ERP27: variants seen among roughly 807,000 people sequenced by gnomAD.
ERP27 encodes the protein endoplasmic reticulum resident protein 27.
In ERP27, 23 loss-of-function variants were observed where a neutral mutation model predicts 27.7. The observed-to-expected ratio is 0.83, with a 90% CI of 0.60 to 1.18. The LOEUF (loss-of-function observed/expected upper bound fraction) is 1.18, where lower values mean the gene tolerates loss of function less well. Among genes scored for constraint, ERP27 ranks in the 50% most tolerant of loss-of-function variants. ERP27 has a pLI of 0.00. For missense variants in ERP27, 363 were observed against 327.9 expected, an observed-to-expected ratio of 1.11 and a Z score of -0.83; for synonymous variants, 159 against 118.3, an observed-to-expected ratio of 1.34 and a Z score of -2.23.
intron 3 of ERP27, among the ~76,000 whole-genome samples, chr12:14,931,024 G>T (rs1215148749): frequency 2.6e-5 from 4 of 152,128 alleles, no homozygotes; most frequent in African/African-American, 9.7e-5. Flanking sequence ...TATCTTCAGG[G>T]TCAAGTGCTT....
chr12:14,920,262 G>A (rs1401926237), intron 4 of ERP27, among the ~76,000 whole-genome samples: 1 of 152,182 alleles, frequency 6.6e-6, no homozygotes, highest in African/African-American at 2.4e-5. Flanking sequence ...AACACCAGAG[G>A]AAGACACACC....
In ERP27 at chr12:14,914,851, C is replaced by T. The variant is rs1391840042; in HGVS notation, c.775-69G>A. 15 of 1,259,758 alleles carry T rather than the reference C, an allele frequency of 1.2e-5. No homozygotes were observed. The East Asian group carries it at 2.8e-4, about 24-fold the overall frequency. 78.0% of individuals were successfully genotyped at this position (1,259,758 alleles called of 1,614,324 possible). On this transcript the variant is annotated intron_variant, in intron 6 of 6. Transcript: ENST00000266397. ...CTGTTTACTCCTGGAAGTCCTAAAT[C>T]CTTCTTTAATTTTTATCTCATGAAC...
chr12:14,915,870 A>C, intron 5 of ERP27, 184 bp from the exon 6 acceptor site: 2 of 614,044 alleles, frequency 3.3e-6, no homozygotes, highest in Non-Finnish European at 5.6e-6. Context: ...CTTTTGTGGG[A>C]ACGTGGATGG....
chr12:14,929,096 G>T, intron 3 of ERP27: 2 of 1,517,452 alleles, frequency 1.3e-6, no homozygotes, highest in Non-Finnish European at 1.8e-6. Context: ...CCTAGGTCTG[G>T]TGCCTGCACC....
intron 3 of ERP27, 142 bp downstream of exon 3, chr12:14,934,714 T>C: frequency 9.7e-7 from 1 of 1,026,114 alleles, no homozygotes; most frequent in South Asian, 1.7e-5. Flanking sequence ...TTGAATTGAG[T>C]CATCATCCTT....
In ERP27 at chr12:14,938,522, C is replaced by A; in HGVS notation, c.-14G>T. 3 of 1,597,960 alleles carry A rather than the reference C, an allele frequency of 1.9e-6. No individual in the cohort carries two copies. Among genetic ancestry groups the A allele is most frequent in the Non-Finnish European group, 2.6e-6 (3 of 1,171,934 alleles). On this transcript the variant is annotated 5_prime_UTR_variant, in exon 1 of 7. Coordinates refer to ENST00000266397, the MANE Select transcript of ERP27 (RefSeq NM_152321.4). ...GGCAGCTTCCATTGTCCCTCTCCTG[C>A]TCCTGCTCCAACCCTGGACTTTGTG... is the stretch of plus-strand genomic sequence containing the variant.
chr12:14,917,311 G>A lies in ERP27; in HGVS notation c.451-8C>T. On this transcript the variant is annotated splice_region_variant and splice_polypyrimidine_tract_variant and intron_variant, in intron 4 of 6. Coordinates refer to ENST00000266397, the MANE Select transcript of ERP27 (RefSeq NM_152321.4). ...GAATAACCCAATCACAGTCTGGCAAGTCGAAATGTGTTACAGTAGAGTGAA... is the reference window on the plus strand; with the variant it reads ...GAATAACCCAATCACAGTCTGGCAAATCGAAATGTGTTACAGTAGAGTGAA... 6.2e-7 allele frequency: 1 copy of A among 1,614,120 alleles called. No individual in the cohort carries two copies. Among genetic ancestry groups the A allele is most frequent in the Non-Finnish European group, 8.5e-7 (1 of 1,180,000 alleles).
chr12:14,923,816 T>G (rs1863552874), intron 3 of ERP27, among the ~76,000 whole-genome samples: 1 of 152,214 alleles, frequency 6.6e-6, no homozygotes, highest in Non-Finnish European at 1.5e-5. Context: ...TCATAGTATT[T>G]AGCATATCCG....
chr12:14,926,471 C>T (rs1431042593), intron 3 of ERP27, among the ~76,000 whole-genome samples: 1 of 152,152 alleles, frequency 6.6e-6, no homozygotes, highest in Non-Finnish European at 1.5e-5. Flanking sequence ...TATGCATTTT[C>T]CATTGGTTCT....
rs1863426219 is a variant in ERP27, at chr12:14,917,284, T to C, written c.470A>G (p.Asn157Ser). The C allele has an allele frequency of 1.9e-6, 3 of 1,614,010 alleles. No individual in the cohort carries two copies. The highest frequency in any genetic ancestry group is 1.6e-4 in the Middle Eastern group (1 of 6,082). ...YNPVTVIGLF[N>S]SVIQIHLLLI... is the part of the protein sequence containing the mutation. ...GAGGAGATGAATCTGAATTACGCTG[T>C]TGAATAACCCAATCACAGTCTGGCA... The change falls in exon 5 of 7, where the codon AAC becomes AGC. Residue 157 changes from asparagine (N) to serine (S), a missense_variant. By Grantham distance (46) the Asn-to-Ser change is conservative. Coordinates refer to ENST00000266397, the MANE Select transcript of ERP27 (RefSeq NM_152321.4).
chr12:14,914,573 TGTGTGC>T lies in ERP27; in HGVS notation c.*156_*161del. On this transcript the variant is annotated 3_prime_UTR_variant, in exon 7 of 7. Transcript: ENST00000266397. ...AAATGAAGCTCTGTGTGTGTGTGTG[TGTGTGC>T]GTGTGTGTGTGCACGCGTGCGTGCG... is the stretch of plus-strand genomic sequence containing the variant. The T allele has an allele frequency of 1.8e-6, 1 of 559,088 alleles. No individual in the cohort carries two copies. Among genetic ancestry groups the T allele is most frequent in the Non-Finnish European group, 3.1e-6 (1 of 322,052 alleles). 34.6% of individuals were successfully genotyped at this position (559,088 alleles called of 1,614,324 possible).
At chr12:14,917,415 C>T in intron 4 of ERP27, 112 bp from the exon 5 acceptor site, 1 of 1,421,600 alleles carries the variant, frequency 7.0e-7, no homozygotes, top group Non-Finnish European at 9.7e-7. Context: ...CCACTGGTAA[C>T]ACAAATGGAA....
At chr12:14,928,205 C>T (rs535043886) in intron 3 of ERP27, among the ~76,000 whole-genome samples, 2 of 152,282 alleles carry the variant, frequency 1.3e-5, no homozygotes, top group South Asian at 4.1e-4. Flanking sequence ...GGATCAGAAC[C>T]ACCCTTTTTT....
At chr12:14,915,344 C>T (rs1863391471) in intron 6 of ERP27, 145 bp downstream of exon 6, 6 of 716,666 alleles carry the variant, frequency 8.4e-6, no homozygotes, top group Non-Finnish European at 9.4e-6. Context: ...GAACACTAGA[C>T]ATTCCTCCTA....
rs759251449 is a variant in ERP27 at position 14,917,234 on chromosome 12, C to G, written c.520G>C (p.Glu174Gln). 2 of 1,614,114 alleles carry G rather than the reference C, an allele frequency of 1.2e-6. No individual in the cohort carries two copies. The highest frequency in any genetic ancestry group is 1.7e-6 in the Non-Finnish European group (2 of 1,180,024). The change falls in exon 5 of 7, where the codon GAG becomes CAG. Residue 174 changes from glutamate (E) to glutamine (Q), a missense_variant. Physicochemically the swap from Glu to Gln is conservative, Grantham distance 29. Transcript: ENST00000266397. ...TATCTGTGCATGTTCTCTTCATACT[C>G]TGGGGAGGCCTTGTTCATTATCAGG... is the stretch of plus-strand genomic sequence containing the variant. The part of the protein sequence containing the change: ...LLLIMNKASP[E>Q]YEENMHRYQK...
chr12:14,938,493 A>T lies in ERP27; in HGVS notation c.16T>A (p.Ser6Thr), dbSNP rs1479073610. Residue 6 changes from serine to threonine, a missense_variant, in exon 1 of 7, where the codon TCC becomes ACC. By Grantham distance (58) the Ser-to-Thr change is moderately conservative. Coordinates refer to ENST00000266397, the MANE Select transcript of ERP27 (RefSeq NM_152321.4). ...AGAAATAAGAGGAACATGAACCTGG[A>T]CGGGGCAGCTTCCATTGTCCCTCTC... is the stretch of plus-strand genomic sequence containing the variant. The part of the protein sequence containing the change: MEAAP[S>T]RFMFLLFLLT... 1 of 1,612,660 alleles carries T rather than the reference A, an allele frequency of 6.2e-7. No homozygotes were observed. The highest frequency in any genetic ancestry group is 1.7e-5 in the Admixed American group (1 of 59,910).
At chr12:14,923,488 AATCAATCTATCT>A (rs1383177044) in intron 3 of ERP27, among the ~76,000 whole-genome samples, 72 of 112,002 alleles carry the variant, frequency 6.4e-4, no homozygotes, top group South Asian at 4.3e-3. Flanking sequence ...ATCTATCTAT[AATCAATCTATCT>A]ATCTATCTAT....
chr12:14,924,785 C>T (rs1592275595), intron 3 of ERP27, among the ~76,000 whole-genome samples: 1 of 152,266 alleles, frequency 6.6e-6, no homozygotes, highest in African/African-American at 2.4e-5. Flanking sequence ...TTAAGGCAGT[C>T]TAAGTCACAG....
chr12:14,914,852 C>G (rs1049189731), intron 6 of ERP27, 70 bp from the exon 7 acceptor site: 4 of 1,250,022 alleles, frequency 3.2e-6, no homozygotes, highest in Non-Finnish European at 4.6e-6. Context: ...GTCCTAAATC[C>G]TTCTTTAATT....
Sources: gnomAD v4.1 joint callset for allele counts (sites outside exome capture counted in the v4.1 genomes callset) on GRCh38, gnomAD v4.1.1 for gene constraint, MANE v1.5 for transcripts, NCBI Gene and HGNC (gene_info 2026-07-23, HGNC 2026-07-21) for gene names.